Variants in KIF24 observed in about 807,000 individuals in gnomAD.
KIF24 encodes the protein kinesin family member 24, also known as kinesin-like protein KIF24.
Under a neutral mutation model 118.9 loss-of-function variants are expected in KIF24, and 81 were observed. The ratio of observed to expected loss-of-function variants is 0.68; its 90% CI spans 0.57 to 0.82. The LOEUF is 0.82. Among genes scored for constraint, KIF24 ranks in the 40% least tolerant of loss-of-function variants. The pLI is 0.00. For synonymous variants in KIF24, 599 were observed against 610.0 expected (o/e 0.98, Z 0.27); for missense variants, 1,560 against 1,661.6 (o/e 0.94, Z 1.06).
intron 8 of KIF24, among the ~76,000 whole-genome samples, chr9:34,267,012 T>C (rs964557751): frequency 6.6e-6 from 1 of 152,214 alleles, no homozygotes; most frequent in Non-Finnish European, 1.5e-5. Context: ...CTCCAACTCA[T>C]TCTGAAAAGT....
In KIF24 at chr9:34,254,445, GGCTCCTCAGACTCTGGA is replaced by G. The variant is rs1834738061; in HGVS notation, c.4025_4041del (p.Ile1342ThrfsTer16). ...TGGCAGGTGAGATAGAGCTGCAGCT[GGCTCCTCAGACTCTGGA>G]TACACTTGGATTTCAGAACCATGAT... On this transcript the variant is annotated frameshift_variant, in exon 13 of 13. Coordinates refer to ENST00000402558, the MANE Select transcript of KIF24 (RefSeq NM_194313.4). LOFTEE classifies it high-confidence loss of function. 1.2e-6 allele frequency: 2 copies of G among 1,613,934 alleles called. No individual in the cohort carries two copies. Among genetic ancestry groups the G allele is most frequent in the South Asian group, 1.1e-5 (1 of 91,082 alleles).
At chr9:34,330,924 G>A (rs950694364), upstream of KIF24, among the ~76,000 whole-genome samples, 1 of 151,958 alleles carries the variant, frequency 6.6e-6, no homozygotes, top group Non-Finnish European at 1.5e-5. Flanking sequence ...TCGCACCACT[G>A]CACTCCAGCC....
At chr9:34,299,481 T>C (rs1377229467) in intron 3 of KIF24, among the ~76,000 whole-genome samples, 2 of 151,832 alleles carry the variant, frequency 1.3e-5, no homozygotes, top group African/African-American at 2.4e-5. Flanking sequence ...TGCTGGCTGA[T>C]ATATATTCTA....
chr9:34,324,020 A>G (rs1837600182), intron 1 of KIF24, among the ~76,000 whole-genome samples: 1 of 152,216 alleles, frequency 6.6e-6, no homozygotes, highest in African/African-American at 2.4e-5. Flanking sequence ...CAAATCTCAC[A>G]TAAGCAAGTG....
rs143519423 is a variant in KIF24, at chr9:34,307,818, G to A, written c.624-1377C>T. On this transcript the variant is annotated intron_variant, in intron 2 of 12. Coordinates refer to ENST00000402558, the MANE Select transcript of KIF24 (RefSeq NM_194313.4). ...AGGTGGAGTTCACAGGTGAGATAGTGCCATTGCATTCCAGCCTGGGCAACA... is the reference window on the plus strand; with the variant it reads ...AGGTGGAGTTCACAGGTGAGATAGTACCATTGCATTCCAGCCTGGGCAACA... 3.0e-3 allele frequency among the ~76,000 whole-genome samples: 439 copies of A among 145,458 alleles called. 1 individual carries two copies. The highest frequency in any genetic ancestry group is 0.011 in the African/African-American group (423 of 38,812).
chr9:34,326,439 A>C (rs1837675244), intron 1 of KIF24, among the ~76,000 whole-genome samples: 1 of 152,208 alleles, frequency 6.6e-6, no homozygotes, highest in Non-Finnish European at 1.5e-5. Context: ...ATTAATAATC[A>C]ATAAGCGGTA....
chr9:34,315,787 G>C (rs1563963211), intron 1 of KIF24, among the ~76,000 whole-genome samples: 1 of 152,304 alleles, frequency 6.6e-6, no homozygotes, highest in East Asian at 1.9e-4. Context: ...CCAGCACTTT[G>C]GGAGGCCAAG....
chr9:34,256,054 A>G lies in KIF24; in HGVS notation c.3553T>C (p.Trp1185Arg), dbSNP rs778197503. Residue 1185 changes from tryptophan to arginine, a missense_variant, in exon 11 of 13, where the codon TGG (tryptophan) becomes CGG (arginine). Around this residue, in one of 3 missense-constraint regions of KIF24, gnomAD observed 591 missense variants for 655.6 expected, o/e 0.90. Transcript: ENST00000402558. ...GTGAAGGGCTTTCCTGGGAAACCCC[A>G]GGAGCCATCCAGCCCCGTCTCCTCT... is the stretch of plus-strand genomic sequence containing the variant. ...DAEETGLDGS[W>R]GFPGKPFTTI... 5 of 1,613,908 alleles carry G rather than the reference A, an allele frequency of 3.1e-6. No homozygotes were observed. Among genetic ancestry groups the G allele is most frequent in the African/African-American group, 2.7e-5 (2 of 74,930 alleles).
intron 1 of KIF24, among the ~76,000 whole-genome samples, chr9:34,311,767 C>CGT (rs1563961660): frequency 6.9e-5 from 10 of 145,498 alleles, no homozygotes; most frequent in African/African-American, 2.3e-4. Context: ...TGTATATATA[C>CGT]ATATATATAC....
intron 4 of KIF24, among the ~76,000 whole-genome samples, chr9:34,292,820 A>G (rs1011253752): frequency 1.3e-5 from 2 of 152,188 alleles, no homozygotes. Flanking sequence ...ATTTGAACAC[A>G]CTAAGGAAGA....
chr9:34,272,918 C>T (rs1835557985), intron 6 of KIF24, among the ~76,000 whole-genome samples: 1 of 151,952 alleles, frequency 6.6e-6, no homozygotes, highest in African/African-American at 2.4e-5. Flanking sequence ...GCCACCTCAC[C>T]CAGCCACAAA....
At chr9:34,258,249 G>A (rs1482133781) in intron 10 of KIF24, among the ~76,000 whole-genome samples, 1 of 152,126 alleles carries the variant, frequency 6.6e-6, no homozygotes, top group Admixed American at 6.5e-5. Flanking sequence ...CAGGAGGACT[G>A]TTTGAGCCCA....
upstream of KIF24, among the ~76,000 whole-genome samples, chr9:34,329,981 C>T (rs1415362985): frequency 6.6e-6 from 1 of 152,238 alleles, no homozygotes; most frequent in African/African-American, 2.4e-5. Flanking sequence ...GCCTGCTTTC[C>T]AAAAGAGATT....
In KIF24 at chr9:34,256,129, C is replaced by T. The variant is rs139414350; in HGVS notation, c.3478G>A (p.Val1160Ile). 25 of 1,608,948 alleles carry T rather than the reference C, an allele frequency of 1.6e-5. No homozygotes were observed. In the African/African-American group the frequency reaches 2.8e-4, roughly 18 times the overall value. ...LGEACQSRET[V>I]LFSHEHMGSE... ...CCCATGTGTTCGTGGGAGAAAAGTA[C>T]AGTCTCTCTGCTCTGGCAGGCCTCT... Residue 1160 changes from valine to isoleucine, a missense_variant, in exon 11 of 13, where the codon GTA becomes ATA. Physicochemically the swap from Val to Ile is conservative, Grantham distance 29 (BLOSUM62 3). Coordinates refer to ENST00000402558, the MANE Select transcript of KIF24 (RefSeq NM_194313.4).
Position 34,310,748 on chromosome 9 carries a change from T to C in KIF24, c.599A>G (p.Tyr200Cys), listed in dbSNP as rs1331816672. The C allele has an allele frequency of 6.3e-7, 1 of 1,598,602 alleles. No individual in the cohort carries two copies. The highest frequency in any genetic ancestry group is 8.5e-7 in the Non-Finnish European group (1 of 1,173,762). ...QRISHVSGYN[Y>C]GIPHSCIRQN... ...CCTGATACAAGAATGAGGGATTCCA[T>C]AGTTATACCCTGAAACATGAGAGAT... Residue 200 changes from tyrosine (Y) to cysteine (C), a missense_variant, in exon 2 of 13, where the codon TAT (tyrosine) becomes TGT (cysteine). By Grantham distance (194) the Tyr-to-Cys change is radical. Transcript: ENST00000402558.
At chr9:34,287,890 A>G (rs1374660688) in intron 5 of KIF24, among the ~76,000 whole-genome samples, 3 of 151,088 alleles carry the variant, frequency 2.0e-5, no homozygotes, top group African/African-American at 7.3e-5. Flanking sequence ...CGCGTAACAC[A>G]GCAAGAGCCC....
intron 1 of KIF24, among the ~76,000 whole-genome samples, chr9:34,324,007 A>T (rs1837599375): frequency 6.6e-6 from 1 of 151,492 alleles, no homozygotes; most frequent in South Asian, 2.1e-4. Context: ...AGTTTTAACT[A>T]ATCAAATCTC....
chr9:34,260,221 G>C (rs749731520), intron 9 of KIF24, among the ~76,000 whole-genome samples: 1 of 152,032 alleles, frequency 6.6e-6, no homozygotes, highest in Non-Finnish European at 1.5e-5. Context: ...GTTTTGGTTT[G>C]GCAATCACAC....
intron 1 of KIF24, among the ~76,000 whole-genome samples, chr9:34,327,259 C>CT (rs1331108527): frequency 6.6e-6 from 1 of 151,952 alleles, no homozygotes; most frequent in Non-Finnish European, 1.5e-5. Context: ...GCTGAGCCAG[C>CT]ATAGGGAAAC....
Sources: allele counts gnomAD v4.1 joint callset (sites outside exome capture counted in the v4.1 genomes callset), GRCh38; gene constraint gnomAD v4.1.1; regional missense constraint gnomAD v4.1.1; transcripts MANE v1.5; gene names NCBI Gene and HGNC (gene_info 2026-07-23, HGNC 2026-07-21).